DTL: variants seen among roughly 807,000 people sequenced by gnomAD.
DTL encodes denticleless protein homolog.
Under a neutral mutation model 87.0 loss-of-function variants are expected in DTL, and 46 were observed. The observed-to-expected ratio is 0.53, with a 90% CI of 0.42 to 0.68. The LOEUF (loss-of-function observed/expected upper bound fraction) is 0.68. DTL is among the 30% of genes least tolerant of loss of function. The pLI is 0.00. For missense variants in DTL, 737 were observed against 869.4 expected (o/e 0.85, Z 1.91); for synonymous variants, 308 against 311.2 (o/e 0.99, Z 0.11).
intron 13 of DTL, among the ~76,000 whole-genome samples, chr1:212,087,481 C>G (rs941061511): frequency 3.3e-5 from 5 of 151,384 alleles, no homozygotes; most frequent in Admixed American, 6.6e-5. Flanking sequence ...ACCCGGGAGG[C>G]GGAGCTTGCA....
intron 13 of DTL, among the ~76,000 whole-genome samples, chr1:212,083,433 G>C (rs768529081): frequency 5.3e-5 from 8 of 152,164 alleles, no homozygotes; most frequent in Non-Finnish European, 8.8e-5. Flanking sequence ...GGGGCCAAGG[G>C]ATAGTGTAAA....
At chr1:212,083,878 ACT>A (rs147570736) in intron 13 of DTL, among the ~76,000 whole-genome samples, 4,214 of 152,084 alleles carry the variant, frequency 0.028, 88 homozygotes, top group Non-Finnish European at 0.045. Flanking sequence ...CCTCAAGTTG[ACT>A]CTTACTGGCC....
rs752339520 is a variant in DTL at position 212,078,283 on chromosome 1, A to G, written c.1125+21A>G. On this transcript the variant is annotated intron_variant, in intron 12 of 14. Transcript: ENST00000366991. ...CAAAGGTTTGTAAATGAATCTCTAT[A>G]GTTGGTTTAAAATGTAGATCACAGG... The G allele has an allele frequency of 2.8e-5, 41 of 1,447,690 alleles. No homozygotes were observed. In the African/African-American group the frequency reaches 3.4e-4, roughly 12 times the overall value. 89.7% of individuals were successfully genotyped at this position (1,447,690 alleles called of 1,614,324 possible). A position where few individuals can be genotyped will look rare whatever the true frequency, so the allele number is the denominator to read the frequency against.
At chr1:212,056,086 C>T (rs966512105) in intron 5 of DTL, among the ~76,000 whole-genome samples, 3 of 152,224 alleles carry the variant, frequency 2.0e-5, no homozygotes, top group Non-Finnish European at 4.4e-5. Context: ...CTACTGTCAT[C>T]ATCCACACCA....
intron 5 of DTL, among the ~76,000 whole-genome samples, chr1:212,055,563 A>G (rs1668148487): frequency 6.6e-6 from 1 of 152,178 alleles, no homozygotes; most frequent in South Asian, 2.1e-4. Context: ...CCCCAAGGAC[A>G]AATTCCACTT....
At chr1:212,050,490 T>G (rs536468185) in intron 5 of DTL, among the ~76,000 whole-genome samples, 2 of 152,358 alleles carry the variant, frequency 1.3e-5, no homozygotes, top group Non-Finnish European at 2.9e-5. Context: ...TCCTACAAAC[T>G]TACCTATATT....
intron 5 of DTL, among the ~76,000 whole-genome samples, chr1:212,060,608 G>A (rs11576558): frequency 0.025 from 3,838 of 151,910 alleles, 99 homozygotes; most frequent in South Asian, 0.052. Flanking sequence ...TGGTAGGCGC[G>A]CCTGTAGTCC....
intron 5 of DTL, 61 bp downstream of exon 5, chr1:212,047,478 C>A (rs1004934561): frequency 1.9e-6 from 3 of 1,595,000 alleles, no homozygotes; most frequent in Non-Finnish European, 2.6e-6. Flanking sequence ...GAGATAAGAA[C>A]CTGTAATTGT....
intron 5 of DTL, among the ~76,000 whole-genome samples, chr1:212,053,322 C>T (rs1293418127): frequency 6.6e-6 from 1 of 151,954 alleles, no homozygotes; most frequent in Admixed American, 6.6e-5. Flanking sequence ...GATTAGAGGG[C>T]AGTAGCATGA....
intron 13 of DTL, among the ~76,000 whole-genome samples, chr1:212,085,308 G>A (rs1356619789): frequency 6.6e-6 from 1 of 152,156 alleles, no homozygotes; most frequent in African/African-American, 2.4e-5. Context: ...GTCAACATTT[G>A]TTATTGTCCA....
chr1:212,046,159 G>A (rs973643845), intron 3 of DTL, among the ~76,000 whole-genome samples: 2 of 152,162 alleles, frequency 1.3e-5, no homozygotes, highest in African/African-American at 4.8e-5. Context: ...TCATGGAAAG[G>A]AATTTGACAT....
At position 212,100,384 on chromosome 1, in the gene DTL, C is replaced by CTA. The variant is rs775467365; in HGVS notation, c.1395_1396dup (p.Thr466IlefsTer41). The CTA allele has an allele frequency of 6.2e-7, 1 of 1,613,976 alleles. No homozygotes were observed. Among genetic ancestry groups the CTA allele is most frequent in the South Asian group, 1.1e-5 (1 of 91,080 alleles). ...GACCTCCCTCTTCCTTCAAATACTC[C>CTA]TACGTTCTCTATTAAAACCTCTCCT... On this transcript the variant is annotated frameshift_variant, in exon 14 of 15. Coordinates refer to ENST00000366991, the MANE Select transcript of DTL (RefSeq NM_016448.4). LOFTEE classifies it high-confidence loss of function.
At chr1:212,060,202 C>T (rs1288658228) in intron 5 of DTL, among the ~76,000 whole-genome samples, 4 of 151,970 alleles carry the variant, frequency 2.6e-5, no homozygotes, top group African/African-American at 7.2e-5. Flanking sequence ...CAAAAAGAAC[C>T]CAAATGCCAA....
intron 10 of DTL, among the ~76,000 whole-genome samples, chr1:212,070,634 C>CTGTGTG (rs59056654): frequency 9.8e-4 from 146 of 149,224 alleles, no homozygotes; most frequent in South Asian, 3.0e-3. Context: ...TGAATGACAA[C>CTGTGTG]TGTGTGTGTG....
intron 2 of DTL, among the ~76,000 whole-genome samples, chr1:212,044,245 C>G (rs550287586): frequency 1.2e-4 from 18 of 152,278 alleles, no homozygotes; most frequent in Admixed American, 3.3e-4. Context: ...AAGTACTACC[C>G]TCGATTTAGC....
intron 1 of DTL, among the ~76,000 whole-genome samples, chr1:212,038,202 C>T (rs1211409998): frequency 1.3e-5 from 2 of 152,216 alleles, no homozygotes; most frequent in Non-Finnish European, 2.9e-5. Flanking sequence ...AGAGCATGTA[C>T]AAACTCCACA....
chr1:212,100,284 A>G lies in DTL; in HGVS notation c.1294A>G (p.Lys432Glu), dbSNP rs1655576412. Residue 432 changes from lysine to glutamate, a missense_variant, in exon 14 of 15, where the codon AAA (lysine) becomes GAA (glutamate). Coordinates refer to ENST00000366991, the MANE Select transcript of DTL (RefSeq NM_016448.4). ...AACGAGTAGCCAGAGTACTCCTGCCAAAGCCCCCAGGGCAAAGTGCAATCC... is the reference window on the plus strand; with the variant it reads ...AACGAGTAGCCAGAGTACTCCTGCCGAAGCCCCCAGGGCAAAGTGCAATCC... Reference protein sequence around the residue: ...TVTSSQSTPAKAPRAKCNPSN... With the variant: ...TVTSSQSTPAEAPRAKCNPSN... The G allele has an allele frequency of 1.9e-6, 3 of 1,587,038 alleles. No individual in the cohort carries two copies. The highest frequency in any genetic ancestry group is 2.6e-6 in the Non-Finnish European group (3 of 1,168,970).
chr1:212,102,902 G>A lies in DTL; in HGVS notation c.2155G>A (p.Glu719Lys), dbSNP rs764773258. ...ICTYFHRKSQEDFCGPEHSTE... is the reference protein window; with the variant it reads ...ICTYFHRKSQKDFCGPEHSTE... ...CACATACTTCCATAGAAAGTCCCAGGAGGACTTCTGTGGTCCTGAACACTC... is the reference window on the plus strand; with the variant it reads ...CACATACTTCCATAGAAAGTCCCAGAAGGACTTCTGTGGTCCTGAACACTC... The change falls in exon 15 of 15, where the codon GAG becomes AAG. Residue 719 changes from glutamate to lysine, a missense_variant. By Grantham distance (56) the Glu-to-Lys change is moderately conservative. Coordinates refer to ENST00000366991, the MANE Select transcript of DTL (RefSeq NM_016448.4). 6.2e-6 allele frequency: 10 copies of A among 1,612,372 alleles called. No homozygotes were observed. The highest frequency in any genetic ancestry group is 8.5e-6 in the Non-Finnish European group (10 of 1,178,640).
intron 2 of DTL, among the ~76,000 whole-genome samples, chr1:212,043,630 G>A (rs1667720793): frequency 6.7e-6 from 1 of 149,062 alleles, no homozygotes; most frequent in South Asian, 2.1e-4. Context: ...AGGAGTTCAA[G>A]GCAGCCTGGC....
Sources: allele counts gnomAD v4.1 joint callset (sites outside exome capture counted in the v4.1 genomes callset), GRCh38; gene constraint gnomAD v4.1.1; transcripts MANE v1.5; gene names NCBI Gene and HGNC (gene_info 2026-07-23, HGNC 2026-07-21).